THEMIS: variants seen among roughly 807,000 people sequenced by gnomAD.
The protein encoded by THEMIS is thymocyte selection associated.
Under a neutral mutation model 52.6 loss-of-function variants are expected in THEMIS, and 37 were observed. That is an observed-to-expected ratio of 0.70 (90% CI 0.54 to 0.93). The LOEUF (loss-of-function observed/expected upper bound fraction) is 0.93. Ranked by LOEUF, THEMIS falls within the 40% of genes least tolerant of loss-of-function variation. The pLI is 0.00. For synonymous variants in THEMIS, 292 were observed against 272.7 expected (o/e 1.07, Z -0.70); for missense variants, 808 against 763.1 (o/e 1.06, Z -0.69).
At chr6:127,862,115 A>G (rs1779823086) in intron 1 of THEMIS, among the ~76,000 whole-genome samples, 1 of 152,148 alleles carries the variant, frequency 6.6e-6, no homozygotes, top group African/African-American at 2.4e-5. Flanking sequence ...TTAGAAAGTT[A>G]GAGTAAAATT....
Position 127,823,286 on chromosome 6 carries a change from C to A in THEMIS, c.709+6190G>T, listed in dbSNP as rs1183890515. 3.3e-5 allele frequency among the ~76,000 whole-genome samples: 5 copies of A among 151,962 alleles called. 1 individual carries two copies. The highest frequency in any genetic ancestry group is 9.7e-5 in the African/African-American group (4 of 41,326). On this transcript the variant is annotated intron_variant, in intron 3 of 5. Coordinates refer to ENST00000368248, the MANE Select transcript of THEMIS (RefSeq NM_001010923.3). ...TCGTAGTATTTTCATGGACACATTG[C>A]GAAAAGCATCACTAACAAAAATTGA...
the THEMIS span, among the ~76,000 whole-genome samples, chr6:127,697,915 T>A: frequency 6.6e-6 from 1 of 152,184 alleles, no homozygotes; most frequent in Admixed American, 6.5e-5. Flanking sequence ...GATTTAAAAC[T>A]AATTTTGTCA....
intron 3 of THEMIS, among the ~76,000 whole-genome samples, chr6:127,828,878 C>T (rs1399154279): frequency 6.6e-6 from 1 of 152,076 alleles, no homozygotes; most frequent in Admixed American, 6.6e-5. Flanking sequence ...CACTGCACTC[C>T]AGCCTGGCAA....
At chr6:127,847,889 AATTATTATTATTATT>A (rs71543127) in intron 2 of THEMIS, among the ~76,000 whole-genome samples, 2 of 146,526 alleles carry the variant, frequency 1.4e-5, no homozygotes, top group Non-Finnish European at 3.0e-5. Flanking sequence ...CTCAATTTCA[AATTATTATTATTATT>A]ATTATTATTA....
intron 4 of THEMIS, among the ~76,000 whole-genome samples, chr6:127,780,097 A>G (rs959621793): frequency 1.3e-5 from 2 of 152,136 alleles, no homozygotes; most frequent in Admixed American, 6.5e-5. Context: ...TTGGGTGCAT[A>G]TATATTTAGG....
chr6:127,838,925 T>C (rs1225237952), intron 2 of THEMIS, among the ~76,000 whole-genome samples: 1 of 152,114 alleles, frequency 6.6e-6, no homozygotes, highest in Non-Finnish European at 1.5e-5. Context: ...GTAAAAGTAA[T>C]TTATTGATGC....
rs776315693 is a variant in THEMIS at position 127,813,194 on chromosome 6, C to T, written c.1447G>A (p.Glu483Lys). The change falls in exon 4 of 6, where the codon GAG (glutamate) becomes AAG (lysine). Residue 483 changes from glutamate to lysine, a missense_variant. Coordinates refer to ENST00000368248, the MANE Select transcript of THEMIS (RefSeq NM_001010923.3). Reference sequence around the variant, plus strand: ...AGTAGGTAAGAGTCTGTAATGTCCTCCTCCAACTGCAGTCCTGGTGTGGCA... The same window carrying T: ...AGTAGGTAAGAGTCTGTAATGTCCTTCTCCAACTGCAGTCCTGGTGTGGCA... The part of the protein sequence containing the change: ...LAATPGLQLE[E>K]DITDSYLLIS... 5 of 1,613,942 alleles carry T rather than the reference C, an allele frequency of 3.1e-6. No homozygotes were observed. Among genetic ancestry groups the T allele is most frequent in the Non-Finnish European group, 4.2e-6 (5 of 1,180,016 alleles).
At chr6:127,731,027 G>A (rs1774774910) in intron 4 of THEMIS, among the ~76,000 whole-genome samples, 1 of 152,150 alleles carries the variant, frequency 6.6e-6, no homozygotes, top group Non-Finnish European at 1.5e-5. Context: ...AGTATCATGA[G>A]GGTCCCACTG....
At chr6:127,894,952 A>T (rs544428291) in intron 1 of THEMIS, among the ~76,000 whole-genome samples, 1 of 149,542 alleles carries the variant, frequency 6.7e-6, no homozygotes, top group Non-Finnish European at 1.5e-5. Context: ...CAAAAAGTAT[A>T]TACTTTTTGA....
intron 1 of THEMIS, among the ~76,000 whole-genome samples, chr6:127,866,226 T>C (rs1382866842): frequency 4.6e-5 from 7 of 152,106 alleles, no homozygotes; most frequent in Non-Finnish European, 1.0e-4. Context: ...GATAGATTAA[T>C]GATTTAGTTT....
At chr6:127,747,550 A>G (rs1775492590) in intron 4 of THEMIS, among the ~76,000 whole-genome samples, 1 of 151,418 alleles carries the variant, frequency 6.6e-6, no homozygotes, top group Non-Finnish European at 1.5e-5. Flanking sequence ...CTGAAAGAAG[A>G]TTCATCAAAA....
chr6:127,715,908 T>C (rs1023086988), intron 5 of THEMIS, among the ~76,000 whole-genome samples: 3 of 151,844 alleles, frequency 2.0e-5, no homozygotes. Context: ...AAAGTCAAGC[T>C]CAGAGAAATG....
chr6:127,715,396 A>G (rs897511784), intron 5 of THEMIS, among the ~76,000 whole-genome samples: 1 of 151,946 alleles, frequency 6.6e-6, no homozygotes, highest in Non-Finnish European at 1.5e-5. Context: ...TTAGAATAAC[A>G]TTGAATTATT....
intron 4 of THEMIS, among the ~76,000 whole-genome samples, chr6:127,783,582 A>G (rs1182575124): frequency 1.3e-5 from 2 of 152,248 alleles, no homozygotes; most frequent in Admixed American, 1.3e-4. Flanking sequence ...AAGGATATGA[A>G]CAGATACTTC....
At chr6:127,915,003 C>A (rs981300758) in intron 1 of THEMIS, among the ~76,000 whole-genome samples, 1 of 152,094 alleles carries the variant, frequency 6.6e-6, no homozygotes, top group African/African-American at 2.4e-5. Flanking sequence ...TGATATTGAA[C>A]CATTTTTAGA....
intron 1 of THEMIS, among the ~76,000 whole-genome samples, chr6:127,892,842 A>G (rs561098629): frequency 5.9e-5 from 9 of 152,160 alleles, no homozygotes; most frequent in Non-Finnish European, 1.3e-4. Flanking sequence ...TTTTAATACC[A>G]GTGACCTGAA....
intron 4 of THEMIS, among the ~76,000 whole-genome samples, chr6:127,804,928 AT>A (rs1562268155): frequency 1.3e-5 from 2 of 152,122 alleles, no homozygotes; most frequent in African/African-American, 4.8e-5. Context: ...TCAGAATAAT[AT>A]TGGTATCTTT....
At chr6:127,782,601 C>A in intron 4 of THEMIS, among the ~76,000 whole-genome samples, 1 of 152,220 alleles carries the variant, frequency 6.6e-6, no homozygotes. Context: ...CCCCGCCCTG[C>A]TTTGGCTTGC....
chr6:127,830,074 T>G (rs1778649310), intron 2 of THEMIS, 140 bp from the exon 3 acceptor site: 1 of 656,270 alleles, frequency 1.5e-6, no homozygotes, highest in African/African-American at 1.8e-5. Flanking sequence ...AGATGCTTAT[T>G]TTAATCCAGA....
Sources: allele counts gnomAD v4.1 joint callset (sites outside exome capture counted in the v4.1 genomes callset), GRCh38; gene constraint gnomAD v4.1.1; transcripts MANE v1.5; gene names NCBI Gene and HGNC (gene_info 2026-07-23, HGNC 2026-07-21).